The following DNTT variants were observed in gnomAD, a reference collection of about 807,000 sequenced individuals.
DNTT encodes DNA nucleotidylexotransferase.
DNTT carries 47 observed loss-of-function variants against 60.9 expected under a neutral mutation model. The ratio of observed to expected loss-of-function variants is 0.77; its 90% CI spans 0.61 to 0.98. The LOEUF is 0.98. Ranked by LOEUF, DNTT falls within the 50% of genes least tolerant of loss-of-function variation. The pLI is 0.00. For synonymous variants in DNTT, 224 were observed against 221.2 expected, an observed-to-expected ratio of 1.01 and a Z score of -0.11; for missense variants, 665 against 627.5, an observed-to-expected ratio of 1.06 and a Z score of -0.64.
At chr10:96,337,102 G>T (rs569133153) in intron 10 of DNTT, among the ~76,000 whole-genome samples, 1 of 152,272 alleles carries the variant, frequency 6.6e-6, no homozygotes, top group South Asian at 2.1e-4. Flanking sequence ...ATGTCGAAGC[G>T]TTCAGGGGCA....
At chr10:96,308,316 C>T (rs568193677) in intron 1 of DNTT, among the ~76,000 whole-genome samples, 2 of 152,258 alleles carry the variant, frequency 1.3e-5, no homozygotes, top group South Asian at 4.1e-4. Context: ...TTGCAAAATA[C>T]GTGCCATTCA....
In DNTT at chr10:96,320,803, G is replaced by A. The variant is rs1428297287; in HGVS notation, c.678+15G>A. 6.2e-7 allele frequency: 1 copy of A among 1,612,156 alleles called. No individual in the cohort carries two copies. Among genetic ancestry groups the A allele is most frequent in the Non-Finnish European group, 8.5e-7 (1 of 1,178,714 alleles). ...GTATCATAGAGGTAAGGGTGAAATGGGATTTGTCCCACTTCCCAATAGGTA... is the reference window on the plus strand; with the variant it reads ...GTATCATAGAGGTAAGGGTGAAATGAGATTTGTCCCACTTCCCAATAGGTA... On this transcript the variant is annotated intron_variant, in intron 4 of 10. Coordinates refer to ENST00000371174, the MANE Select transcript of DNTT (RefSeq NM_004088.4).
intron 9 of DNTT, 118 bp from the exon 10 acceptor site, chr10:96,335,773 G>A (rs1845060963): frequency 8.2e-7 from 1 of 1,214,562 alleles, no homozygotes; most frequent in East Asian, 2.3e-5. Flanking sequence ...CCCTGGGGGA[G>A]GAAAATCACT....
At chr10:96,314,206 A>G (rs112829113) in intron 1 of DNTT, among the ~76,000 whole-genome samples, 45 of 152,144 alleles carry the variant, frequency 3.0e-4, no homozygotes, top group African/African-American at 1.1e-3. Context: ...TTTTCTTATT[A>G]TTATGATACC....
chr10:96,319,059 G>C (rs1264490040), intron 2 of DNTT, among the ~76,000 whole-genome samples: 3 of 152,024 alleles, frequency 2.0e-5, no homozygotes. Context: ...TAATTGATAG[G>C]TCTTTTCATT....
rs760244560 is a variant in DNTT, at chr10:96,304,529, C to A, written c.32C>A (p.Pro11His). ...CCACCACGAGCGTCCCACTTGAGCC[C>A]TCGGAAGAAGAGACCCCGGCAGACG... Reference protein sequence around the residue: MDPPRASHLSPRKKRPRQTGA... With the variant: MDPPRASHLSHRKKRPRQTGA... The change falls in exon 1 of 11, where the codon CCT (proline) becomes CAT (histidine). Residue 11 changes from proline to histidine, a missense_variant. Coordinates refer to ENST00000371174, the MANE Select transcript of DNTT (RefSeq NM_004088.4). 6.2e-7 allele frequency: 1 copy of A among 1,614,004 alleles called. No homozygotes were observed. The highest frequency in any genetic ancestry group is 1.7e-5 in the Admixed American group (1 of 60,024).
intron 3 of DNTT, among the ~76,000 whole-genome samples, chr10:96,320,142 T>C (rs771135536): frequency 9.9e-5 from 15 of 152,196 alleles, no homozygotes; most frequent in East Asian, 5.8e-4. Context: ...CTGCTAGAAA[T>C]ACAAACGTGC....
chr10:96,327,408 AG>A, intron 6 of DNTT, 59 bp from the exon 7 acceptor site: 1 of 1,613,042 alleles, frequency 6.2e-7, no homozygotes, highest in Non-Finnish European at 8.5e-7. Flanking sequence ...CCTTCTACTG[AG>A]GGCTGGTTGT....
Position 96,322,713 on chromosome 10 carries a change from A to G in DNTT, c.735A>G (p.Arg245=). 1 of 1,597,856 alleles carries G rather than the reference A, an allele frequency of 6.3e-7. No homozygotes were observed. Among genetic ancestry groups the G allele is most frequent in the Non-Finnish European group, 8.6e-7 (1 of 1,168,088 alleles). ...SEVKAVLNDE[R]YQSFKLFTSV... ...TTAAAGCTGTGTTAAATGATGAACG[A>G]TATCAATCCTTCAAAGTAAGTGATT... The change falls in exon 5 of 11, where the codon CGA becomes CGG. Residue 245 remains arginine, a synonymous_variant. Coordinates refer to ENST00000371174, the MANE Select transcript of DNTT (RefSeq NM_004088.4).
intron 6 of DNTT, among the ~76,000 whole-genome samples, chr10:96,325,170 C>T (rs143755338): frequency 3.3e-4 from 50 of 152,212 alleles, no homozygotes; most frequent in African/African-American, 1.2e-3. Context: ...TTACTTTTAA[C>T]AAGCAATAAA....
chr10:96,327,708 C>T (rs531131673), intron 7 of DNTT, 108 bp downstream of exon 7: 9 of 1,481,194 alleles, frequency 6.1e-6, no homozygotes, highest in East Asian at 2.3e-5. Flanking sequence ...GTGCCAGCTT[C>T]TTTCTACAGC....
rs1844848762 is a variant in DNTT, at chr10:96,320,144, C to T, written c.508-474C>T. Among the ~76,000 whole-genome samples, 6 of 152,320 alleles carry T rather than the reference C, an allele frequency of 3.9e-5. No individual in the cohort carries two copies. In the South Asian group the frequency reaches 1.0e-3, roughly 26 times the overall value. ...GCTGCTTCCTCCCCTGCTAGAAATA[C>T]AAACGTGCCCTACCTTAAATAATCC... On this transcript the variant is annotated intron_variant, in intron 3 of 10. Coordinates refer to ENST00000371174, the MANE Select transcript of DNTT (RefSeq NM_004088.4).
rs1844913850 is a variant in DNTT, at chr10:96,324,258, C to G, written c.751-8C>G. The G allele has an allele frequency of 6.2e-7, 1 of 1,610,314 alleles. No individual in the cohort carries two copies. The highest frequency in any genetic ancestry group is 8.5e-7 in the Non-Finnish European group (1 of 1,177,456). ...GAGACTGATGGCATGCCTTTCCCTC[C>G]ATTTTAGCTCTTTACTTCTGTATTT... On this transcript the variant is annotated splice_region_variant and splice_polypyrimidine_tract_variant and intron_variant, in intron 5 of 10. Transcript: ENST00000371174.
chr10:96,312,515 C>T (rs1273622683), intron 1 of DNTT, among the ~76,000 whole-genome samples: 1 of 152,136 alleles, frequency 6.6e-6, no homozygotes, highest in Non-Finnish European at 1.5e-5. Context: ...TTCCAGCCAT[C>T]CTCACCAAGG....
At position 96,332,417 on chromosome 10, in the gene DNTT, G is replaced by A. The variant is rs759867826; in HGVS notation, c.1180G>A (p.Val394Ile). 6 of 1,614,202 alleles carry A rather than the reference G, an allele frequency of 3.7e-6. No homozygotes were observed. The Admixed American group carries it at 1.0e-4, about 27-fold the overall frequency. The change falls in exon 9 of 11, where the codon GTT (valine) becomes ATT (isoleucine). Residue 394 changes from valine to isoleucine, a missense_variant. Coordinates refer to ENST00000371174, the MANE Select transcript of DNTT (RefSeq NM_004088.4). ...FEKLRLPSRK[V>I]DALDHFQKCF... ...AAAGCTCAGGTTGCCTAGCAGGAAG[G>A]TTGATGCTTTGGATCATTTTCAAAA...
chr10:96,336,934 T>G, intron 10 of DNTT, among the ~76,000 whole-genome samples: 2 of 84,122 alleles, frequency 2.4e-5, no homozygotes, highest in Non-Finnish European at 2.3e-5. Context: ...TGAGACTCTG[T>G]GTCAGGAAAA....
chr10:96,324,471 C>T (rs1027406129), intron 6 of DNTT, 82 bp downstream of exon 6: 1 of 1,576,422 alleles, frequency 6.3e-7, no homozygotes, highest in Non-Finnish European at 8.6e-7. Flanking sequence ...CACTGCAACT[C>T]CAATCTGGGA....
intron 6 of DNTT, among the ~76,000 whole-genome samples, chr10:96,324,877 G>A (rs1314328169): frequency 6.6e-6 from 1 of 152,146 alleles, no homozygotes; most frequent in Non-Finnish European, 1.5e-5. Flanking sequence ...TTGTTGCCTG[G>A]CACAAATGTG....
At chr10:96,307,701 G>GTATATATATA (rs1197196328) in intron 1 of DNTT, among the ~76,000 whole-genome samples, 43 of 85,016 alleles carry the variant, frequency 5.1e-4, no homozygotes, top group African/African-American at 1.3e-3. Context: ...GTGTGTGTGT[G>GTATATATATA]TGTGTATATA....
Sources: allele counts gnomAD v4.1 joint callset (sites outside exome capture counted in the v4.1 genomes callset), GRCh38; gene constraint gnomAD v4.1.1; transcripts MANE v1.5; gene names NCBI Gene and HGNC (gene_info 2026-07-23, HGNC 2026-07-21).